IMPA1: variants seen among roughly 807,000 people sequenced by gnomAD.
The protein encoded by IMPA1 is D-galactose 1-phosphate phosphatase.
Under a neutral mutation model 34.9 loss-of-function variants are expected in IMPA1, and 21 were observed. The ratio of observed to expected loss-of-function variants is 0.60; its 90% CI spans 0.43 to 0.87. The LOEUF (loss-of-function observed/expected upper bound fraction) is 0.87, where lower values mean the gene tolerates loss of function less well. Ranked by LOEUF, IMPA1 falls within the 40% of genes least tolerant of loss-of-function variation. The probability of loss-of-function intolerance (pLI) is 0.00; values close to 1 mark genes in which losing one functional copy is unlikely to be tolerated. For missense variants in IMPA1, 299 were observed against 336.4 expected (o/e 0.89, Z 0.87); for synonymous variants, 95 against 104.4 (o/e 0.91, Z 0.55).
At chr8:81,677,030 A>G (rs1807152290) in intron 4 of IMPA1, among the ~76,000 whole-genome samples, 1 of 152,128 alleles carries the variant, frequency 6.6e-6, no homozygotes, top group African/African-American at 2.4e-5. Flanking sequence ...TTTTAAATCA[A>G]TTTGGTTAAA....
intron 2 of IMPA1, 142 bp downstream of exon 2, chr8:81,681,356 G>A (rs1324044264): frequency 1.2e-5 from 7 of 608,670 alleles, no homozygotes; most frequent in Admixed American, 2.7e-5. Flanking sequence ...CCATGTTCCT[G>A]CCACTACATT....
intron 4 of IMPA1, among the ~76,000 whole-genome samples, chr8:81,677,668 T>C (rs1309583282): frequency 6.6e-6 from 1 of 152,378 alleles, no homozygotes; most frequent in Non-Finnish European, 1.5e-5. Flanking sequence ...TTTAAATATG[T>C]AAGAAAGTTT....
At chr8:81,661,930 A>C (rs576706286) in intron 7 of IMPA1, among the ~76,000 whole-genome samples, 179 of 152,342 alleles carry the variant, frequency 1.2e-3, no homozygotes, top group African/African-American at 4.2e-3. Context: ...GTTCAATGAG[A>C]TCTTTCACAG....
At chr8:81,660,397 T>C in intron 8 of IMPA1, 119 bp downstream of exon 8, 1 of 759,678 alleles carries the variant, frequency 1.3e-6, no homozygotes, top group South Asian at 1.9e-5. Context: ...CACAATTATA[T>C]AGCTTGTTTC....
chr8:81,683,673 G>C (rs79764368), intron 1 of IMPA1, among the ~76,000 whole-genome samples: 3,997 of 152,246 alleles, frequency 0.026, 89 homozygotes, highest in East Asian at 0.086. Flanking sequence ...AAAATCAAAA[G>C]ATGTCAGTTA....
chr8:81,659,103 A>C lies in IMPA1; in HGVS notation c.*248T>G. The C allele has an allele frequency of 2.1e-6, 1 of 474,798 alleles. No homozygotes were observed. The highest frequency in any genetic ancestry group is 2.6e-5 in the South Asian group (1 of 39,048). 29.4% of individuals were successfully genotyped at this position (474,798 alleles called of 1,614,324 possible). A position where few individuals can be genotyped will look rare whatever the true frequency, so the allele number is the denominator to read the frequency against. On this transcript the variant is annotated 3_prime_UTR_variant, in exon 9 of 9. Transcript: ENST00000256108. Reference sequence around the variant, plus strand: ...GACTATTTCAGTTGATGTTATATTTATCAACTGTACTTCCTGGGTATGTTT... The same window carrying C: ...GACTATTTCAGTTGATGTTATATTTCTCAACTGTACTTCCTGGGTATGTTT...
chr8:81,680,989 T>G (rs937700003), intron 2 of IMPA1, among the ~76,000 whole-genome samples: 1 of 152,220 alleles, frequency 6.6e-6, no homozygotes, highest in African/African-American at 2.4e-5. Flanking sequence ...TACATCTTAT[T>G]TTAGATTCAC....
At chr8:81,668,867 C>A (rs953103003) in intron 7 of IMPA1, among the ~76,000 whole-genome samples, 3 of 152,166 alleles carry the variant, frequency 2.0e-5, no homozygotes, top group African/African-American at 4.8e-5. Flanking sequence ...TTTCATGGAA[C>A]AGGCCTGGGA....
chr8:81,664,415 C>A (rs1806763592), intron 7 of IMPA1, among the ~76,000 whole-genome samples: 1 of 152,044 alleles, frequency 6.6e-6, no homozygotes, highest in African/African-American at 2.4e-5. Context: ...CGTAGATACA[C>A]AGAGTAGGGC....
chr8:81,670,937 A>C lies in IMPA1; in HGVS notation c.566+2T>G. 1 of 1,423,980 alleles carries C rather than the reference A, an allele frequency of 7.0e-7. No homozygotes were observed. Among genetic ancestry groups the C allele is most frequent in the Non-Finnish European group, 9.5e-7 (1 of 1,048,476 alleles). The allele number at this position is 1,423,980 out of a possible 1,614,324, so 88.2% of individuals were successfully genotyped here. A position where few individuals can be genotyped will look rare whatever the true frequency, so the allele number is the denominator to read the frequency against. ...GAGATAGAATAATGGTAAAGAGCTT[A>C]CCCATGAACAGGAATGCAAAAAAGC... On this transcript the variant is annotated splice_donor_variant, in intron 7 of 8. Transcript: ENST00000256108. LOFTEE classifies it high-confidence loss of function.
intron 5 of IMPA1, among the ~76,000 whole-genome samples, chr8:81,675,969 A>G (rs1337190679): frequency 1.3e-5 from 2 of 152,222 alleles, no homozygotes; most frequent in East Asian, 1.9e-4. Flanking sequence ...TCTATCACAC[A>G]TATAATGGTT....
intron 3 of IMPA1, among the ~76,000 whole-genome samples, chr8:81,680,316 C>T (rs2130317397): frequency 6.6e-6 from 1 of 152,316 alleles, no homozygotes; most frequent in East Asian, 1.9e-4. Flanking sequence ...ATCTGGTTCA[C>T]TCTGTTTCTC....
intron 7 of IMPA1, among the ~76,000 whole-genome samples, chr8:81,666,014 G>A (rs962770852): frequency 6.6e-6 from 1 of 152,186 alleles, no homozygotes; most frequent in Non-Finnish European, 1.5e-5. Flanking sequence ...AGGACTGTGA[G>A]CATTTTATAA....
intron 7 of IMPA1, among the ~76,000 whole-genome samples, chr8:81,665,724 G>C (rs1177922674): frequency 3.9e-5 from 6 of 152,064 alleles, no homozygotes; most frequent in Non-Finnish European, 8.8e-5. Flanking sequence ...CCAGTTAAAA[G>C]ATAAAATAAT....
chr8:81,668,919 C>T (rs1173268507), intron 7 of IMPA1, among the ~76,000 whole-genome samples: 3 of 152,200 alleles, frequency 2.0e-5, no homozygotes, highest in Admixed American at 6.5e-5. Context: ...CTAGACTGTG[C>T]TCCCTACATC....
rs1475196761 is a variant in IMPA1, at chr8:81,658,843, G to A, written c.*508C>T. The A allele has an allele frequency of 6.6e-6, 1 of 152,648 alleles. No individual in the cohort carries two copies. The highest frequency in any genetic ancestry group is 1.5e-5 in the Non-Finnish European group (1 of 68,400). The allele number at this position is 152,648 out of a possible 1,614,324, so 9.5% of individuals were successfully genotyped here. A position where few individuals can be genotyped will look rare whatever the true frequency, so the allele number is the denominator to read the frequency against. On this transcript the variant is annotated 3_prime_UTR_variant, in exon 9 of 9. Transcript: ENST00000256108. ...GTTTTTAGTTGCCTAGATATGTAAT[G>A]GGCCAGGTGCTATATGAACACTGAA... is the stretch of plus-strand genomic sequence containing the variant.
intron 3 of IMPA1, among the ~76,000 whole-genome samples, chr8:81,679,504 T>G (rs1376286891): frequency 1.3e-5 from 2 of 151,666 alleles, no homozygotes; most frequent in Non-Finnish European, 2.9e-5. Context: ...TCCCAGCAAC[T>G]TGGAAGGCTG....
intron 7 of IMPA1, among the ~76,000 whole-genome samples, chr8:81,666,307 G>T (rs1806818237): frequency 6.6e-6 from 1 of 152,130 alleles, no homozygotes; most frequent in African/African-American, 2.4e-5. Context: ...AATTTTAAAA[G>T]AGGCAGAGAA....
chr8:81,680,589 T>A (rs765905420), intron 3 of IMPA1, 61 bp downstream of exon 3: 6 of 1,316,166 alleles, frequency 4.6e-6, no homozygotes, highest in Non-Finnish European at 6.5e-6. Flanking sequence ...TACTCTCATA[T>A]GCAGAACCCC....
Sources: gnomAD v4.1 joint callset for allele counts (sites outside exome capture counted in the v4.1 genomes callset) on GRCh38, gnomAD v4.1.1 for gene constraint, MANE v1.5 for transcripts, NCBI Gene and HGNC (gene_info 2026-07-23, HGNC 2026-07-21) for gene names.